DLG3: variants seen among roughly 807,000 people sequenced by gnomAD.
The protein encoded by DLG3 is disks large homolog 3.
Under a neutral mutation model 64.1 loss-of-function variants are expected in DLG3, and 1 was observed. The ratio of observed to expected loss-of-function variants is 0.02; its 90% CI spans 0.01 to 0.07. DLG3 has a LOEUF of 0.07. Among genes scored for constraint, DLG3 ranks in the 10% least tolerant of loss-of-function variants. The pLI is 1.00. For missense variants in DLG3, 429 were observed against 669.5 expected, an observed-to-expected ratio of 0.64 and a Z score of 3.96; for synonymous variants, 245 against 259.8, an observed-to-expected ratio of 0.94 and a Z score of 0.55.
rs751506440 is a variant in DLG3 at position 70,452,331 on chromosome X, G to A, written c.1145+305G>A. ...GGGCTGAGGAGGCGAGGGCAGCGGA[G>A]TTTCCTGCCCTGAGATAGTTGCAGC... is the stretch of plus-strand genomic sequence containing the variant. On this transcript the variant is annotated intron_variant, in intron 7 of 18. Transcript: ENST00000374360. The A allele has an allele frequency of 4.7e-4, 475 of 1,018,865 alleles. 1 individual carries two copies. The South Asian group carries it at 8.0e-3, about 17-fold the overall frequency. 84.0% of individuals were successfully genotyped at this position (1,018,865 alleles called of 1,213,427 possible). A position where few individuals can be genotyped will look rare whatever the true frequency, so the allele number is the denominator to read the frequency against.
In DLG3 at chrX:70,453,715, C is replaced by T; in HGVS notation, c.1224C>T (p.Gly408=). The change falls in exon 8 of 19, where the codon GGC becomes GGT. Residue 408 remains glycine, a synonymous_variant. Coordinates refer to ENST00000374360, the MANE Select transcript of DLG3 (RefSeq NM_021120.4). ...FNIVGGEDGE[G]IFVSFILAGG... is the part of the protein sequence containing the mutation. ...TCGTAGGAGGAGAGGATGGAGAAGG[C>T]ATTTTTGTCTCCTTCATCCTGGCAG... The T allele has an allele frequency of 2.5e-6, 3 of 1,208,299 alleles. No homozygotes were observed. Among genetic ancestry groups the T allele is most frequent in the Non-Finnish European group, 3.4e-6 (3 of 893,834 alleles).
chrX:70,471,661 C>T (rs2086972210), intron 9 of DLG3, among the ~76,000 whole-genome samples: 1 of 111,342 alleles, frequency 9.0e-6, no homozygotes, highest in Admixed American at 9.6e-5. Context: ...TCCATGTCTC[C>T]AAGGAAAAAA....
intron 9 of DLG3, among the ~76,000 whole-genome samples, chrX:70,467,140 A>T (rs2086899765): frequency 9.0e-6 from 1 of 111,449 alleles, no homozygotes; most frequent in Admixed American, 9.6e-5. Flanking sequence ...GCTCTCTCAA[A>T]TTCCTGGCCT....
At chrX:70,491,291 A>G (rs2068249271) in intron 10 of DLG3, among the ~76,000 whole-genome samples, 1 of 111,591 alleles carries the variant, frequency 9.0e-6, no homozygotes, top group African/African-American at 3.3e-5. Context: ...GGCTTCCAAA[A>G]TTTGCTTCAG....
chrX:70,479,394 A>G, intron 10 of DLG3, 130 bp downstream of exon 10: 2 of 550,302 alleles, frequency 3.6e-6, no homozygotes, highest in Non-Finnish European at 6.4e-6. Context: ...TTCTCACTGT[A>G]TGCTTAGGTT....
chrX:70,496,997 G>A (rs1159985912), intron 13 of DLG3, among the ~76,000 whole-genome samples: 1 of 112,333 alleles, frequency 8.9e-6, no homozygotes, highest in East Asian at 2.8e-4. Context: ...ACAAGTACGA[G>A]AGGGCCAGGG....
intron 9 of DLG3, among the ~76,000 whole-genome samples, chrX:70,473,138 CAA>C (rs201794861): frequency 0.033 from 2,522 of 75,400 alleles, 102 homozygotes; most frequent in African/African-American, 0.13. Flanking sequence ...GCCTGGGTGA[CAA>C]GAGCGAAACT....
Position 70,446,789 on chromosome X carries a change from T to A in DLG3, c.357+1231T>A, listed in dbSNP as rs775170766. Among the ~76,000 whole-genome samples, 246 of 112,545 alleles carry A rather than the reference T, an allele frequency of 2.2e-3. 1 individual carries two copies. The highest frequency in any genetic ancestry group is 7.6e-3 in the African/African-American group (236 of 31,043). On this transcript the variant is annotated intron_variant, in intron 1 of 18. Coordinates refer to ENST00000374360, the MANE Select transcript of DLG3 (RefSeq NM_021120.4). ...TCTGGTTATCCGGCTCTGCAGCTCC[T>A]AGGGTGGGGAGAGAGGAAGAGGAGG...
At chrX:70,474,306 G>A (rs1025492912) in intron 9 of DLG3, among the ~76,000 whole-genome samples, 3 of 111,846 alleles carry the variant, frequency 2.7e-5, no homozygotes, top group African/African-American at 9.8e-5. Flanking sequence ...ACCAGTTAGG[G>A]AGGTACAGCA....
At chrX:70,468,126 G>A (rs996850638) in intron 9 of DLG3, among the ~76,000 whole-genome samples, 3 of 111,632 alleles carry the variant, frequency 2.7e-5, no homozygotes, top group South Asian at 3.8e-4. Flanking sequence ...CTGGAGTGCA[G>A]CGGCGCGATC....
rs749085371 is a variant in DLG3 at position 70,454,272 on chromosome X, G to A, written c.1361G>A (p.Arg454Gln). Residue 454 changes from arginine (R) to glutamine (Q), a missense_variant, in exon 9 of 19, where the codon CGG (arginine) becomes CAG (glutamine). Transcript: ENST00000374360. ...THEQAAAALK[R>Q]AGQSVTIVAQ... ...GAGCAGGCTGCAGCTGCTCTGAAAC[G>A]GGCCGGCCAGTCAGTCACCATTGTG... 10 of 1,211,573 alleles carry A rather than the reference G, an allele frequency of 8.3e-6. No homozygotes were observed. The highest frequency in any genetic ancestry group is 8.9e-6 in the Non-Finnish European group (8 of 895,413).
At chrX:70,489,569 C>CT (rs2147866858) in intron 10 of DLG3, among the ~76,000 whole-genome samples, 1 of 111,765 alleles carries the variant, frequency 8.9e-6, no homozygotes, top group Non-Finnish European at 1.9e-5. Context: ...TCCCAAAGTG[C>CT]TGGGATTACA....
Position 70,462,243 on chromosome X carries a change from C to CTTTTT in DLG3, c.1405+7947_1405+7951dup, listed in dbSNP as rs141689653. Among the ~76,000 whole-genome samples the CTTTTT allele has an allele frequency of 4.5e-3, 209 of 46,958 alleles. 2 individuals are homozygous for CTTTTT. Among genetic ancestry groups the CTTTTT allele is most frequent in the Non-Finnish European group, 5.9e-3 (171 of 29,083 alleles). The allele number at this position is 46,958 out of a possible 115,157, so 40.8% of individuals were successfully genotyped here. ...GTACTTAATTCCTTTTTCTTTCTTT[C>CTTTTT]TTTTTTTTTTTTTTTTTTTTTTTTG... On this transcript the variant is annotated intron_variant, in intron 9 of 18. Transcript: ENST00000374360.
intron 9 of DLG3, among the ~76,000 whole-genome samples, chrX:70,467,090 T>G (rs1191676251): frequency 9.0e-6 from 1 of 110,601 alleles, no homozygotes; most frequent in East Asian, 2.8e-4. Flanking sequence ...ATTTTTGTGG[T>G]TTTTTTGTAG....
rs148860106 is a variant in DLG3, at chrX:70,449,415, T to G, written c.465T>G (p.Pro155=). 8 of 1,209,619 alleles carry G rather than the reference T, an allele frequency of 6.6e-6. No individual in the cohort carries two copies. The highest frequency in any genetic ancestry group is 8.9e-6 in the Non-Finnish European group (8 of 895,042). Residue 155 remains proline, a synonymous_variant, in exon 3 of 19, where the codon CCT becomes CCG. Coordinates refer to ENST00000374360, the MANE Select transcript of DLG3 (RefSeq NM_021120.4). ...IAGGIDNPHV[P]DDPGIFITKI... ...GTGGCATCGACAATCCCCATGTCCC[T>G]GATGACCCTGGCATCTTTATTACCA... is the stretch of plus-strand genomic sequence containing the variant.
intron 9 of DLG3, among the ~76,000 whole-genome samples, chrX:70,476,990 G>A (rs777667059): frequency 8.9e-6 from 1 of 112,991 alleles, no homozygotes; most frequent in African/African-American, 3.2e-5. Flanking sequence ...AACAAAAAGC[G>A]TATGCCTTAG....
intron 8 of DLG3, 43 bp from the exon 9 acceptor site, chrX:70,454,171 T>C (rs2086661194): frequency 8.7e-7 from 1 of 1,153,360 alleles, no homozygotes; most frequent in African/African-American, 1.8e-5. Flanking sequence ...GAGGACCCTC[T>C]TTCTTGCTTT....
chrX:70,482,933 C>T (rs1363605042), intron 10 of DLG3, among the ~76,000 whole-genome samples: 2 of 109,505 alleles, frequency 1.8e-5, no homozygotes, highest in African/African-American at 6.7e-5. Flanking sequence ...TCCCAAAGTG[C>T]TAGGATTACA....
intron 10 of DLG3, among the ~76,000 whole-genome samples, chrX:70,482,660 GTGT>G (rs2087177124): frequency 1.4e-5 from 1 of 69,250 alleles, no homozygotes; most frequent in Non-Finnish European, 2.7e-5. Flanking sequence ...TACATGTGTG[GTGT>G]TTTTTTTTTT....
Sources: gnomAD v4.1 joint callset for allele counts (sites outside exome capture counted in the v4.1 genomes callset) on GRCh38, gnomAD v4.1.1 for gene constraint, MANE v1.5 for transcripts, NCBI Gene and HGNC (gene_info 2026-07-23, HGNC 2026-07-21) for gene names.